GNAL: variants seen among roughly 807,000 people sequenced by gnomAD.
The protein encoded by GNAL is guanine nucleotide-binding protein G(olf) subunit alpha.
In GNAL, 18 loss-of-function variants were observed where a neutral mutation model predicts 55.1. The ratio of observed to expected loss-of-function variants is 0.33; its 90% CI spans 0.23 to 0.48. The LOEUF is 0.48. Among genes scored for constraint, GNAL ranks in the 20% least tolerant of loss-of-function variants. The pLI is 0.99. For synonymous variants in GNAL, 253 were observed against 237.0 expected (o/e 1.07, Z -0.62); for missense variants, 412 against 614.1 (o/e 0.67, Z 3.48).
chr18:11,843,482 A>G (rs1015225141), intron 5 of GNAL, among the ~76,000 whole-genome samples: 6 of 151,952 alleles, frequency 3.9e-5, no homozygotes, highest in Admixed American at 2.0e-4. Flanking sequence ...CTGAGATCGC[A>G]CCACTGCACT....
intron 4 of GNAL, among the ~76,000 whole-genome samples, chr18:11,814,577 C>A (rs1348081494): frequency 6.6e-6 from 1 of 151,806 alleles, no homozygotes; most frequent in Non-Finnish European, 1.5e-5. Flanking sequence ...ACCATATGGT[C>A]TCATCATATA....
intron 1 of GNAL, among the ~76,000 whole-genome samples, chr18:11,701,828 C>A (rs768465042): frequency 6.6e-6 from 1 of 152,128 alleles, no homozygotes. Context: ...GGAGACTGCT[C>A]CTTTTATCTC....
At chr18:11,799,442 T>C (rs2034466550) in intron 4 of GNAL, among the ~76,000 whole-genome samples, 1 of 152,204 alleles carries the variant, frequency 6.6e-6, no homozygotes, top group Non-Finnish European at 1.5e-5. Flanking sequence ...CTTTCTACAA[T>C]AGCACAGGGG....
chr18:11,723,830 T>C (rs1163600564), intron 1 of GNAL, among the ~76,000 whole-genome samples: 3 of 151,916 alleles, frequency 2.0e-5, no homozygotes, highest in African/African-American at 7.3e-5. Context: ...AGTACAGGAG[T>C]GGACCTAATG....
At chr18:11,767,523 C>A (rs1358653301) in intron 4 of GNAL, among the ~76,000 whole-genome samples, 2 of 151,598 alleles carry the variant, frequency 1.3e-5, no homozygotes, top group African/African-American at 4.8e-5. Flanking sequence ...CTTACACTTG[C>A]ATGCTGTACT....
intron 1 of GNAL, among the ~76,000 whole-genome samples, chr18:11,738,816 GA>G (rs1480365192): frequency 1.3e-5 from 2 of 152,128 alleles, no homozygotes; most frequent in Non-Finnish European, 2.9e-5. Flanking sequence ...GGCAGAATTG[GA>G]AAATTGTGTA....
intron 6 of GNAL, 150 bp from the exon 7 acceptor site, chr18:11,864,383 A>G (rs899768404): frequency 4.6e-6 from 3 of 647,100 alleles, no homozygotes; most frequent in African/African-American, 3.6e-5. Flanking sequence ...GTGAGTCACC[A>G]TGCTCGGCCA....
At chr18:11,748,111 A>C (rs2032732020) in intron 1 of GNAL, among the ~76,000 whole-genome samples, 1 of 152,214 alleles carries the variant, frequency 6.6e-6, no homozygotes, top group African/African-American at 2.4e-5. Context: ...AACTAGAAAA[A>C]GGTCAGGTGA....
rs1163906368 is a variant in GNAL at position 11,883,181 on chromosome 18, T to A, written c.*2046T>A. ...GAAGAAAGGATAACTTTATAGACAG[T>A]CAGTGCAACACACACATTTTATCTC... On this transcript the variant is annotated 3_prime_UTR_variant, in exon 12 of 12. Transcript: ENST00000334049. 6.6e-6 allele frequency: 1 copy of A among 151,870 alleles called. No individual in the cohort carries two copies. 9.4% of individuals were successfully genotyped at this position (151,870 alleles called of 1,614,324 possible). A position where few individuals can be genotyped will look rare whatever the true frequency, so the allele number is the denominator to read the frequency against.
At chr18:11,691,671 C>G (rs1432543603) in intron 1 of GNAL, among the ~76,000 whole-genome samples, 1 of 151,998 alleles carries the variant, frequency 6.6e-6, no homozygotes, top group East Asian at 1.9e-4. Flanking sequence ...TTTCAGCTTT[C>G]TACATATGGC....
chr18:11,826,194 G>A (rs1010928896), intron 5 of GNAL, among the ~76,000 whole-genome samples: 5 of 151,978 alleles, frequency 3.3e-5, no homozygotes, highest in East Asian at 3.9e-4. Flanking sequence ...AGCACCCAGC[G>A]AAGCCCAGAG....
intron 1 of GNAL, chr18:11,745,893 G>A (rs150974165): frequency 2.3e-4 from 44 of 193,374 alleles, no homozygotes; most frequent in East Asian, 1.0e-3. Flanking sequence ...TGAGATAATC[G>A]TCATCTTTAC....
At chr18:11,715,161 AAAAGAAAAGAT>A (rs1473970077) in intron 1 of GNAL, among the ~76,000 whole-genome samples, 4 of 150,836 alleles carry the variant, frequency 2.7e-5, no homozygotes, top group African/African-American at 9.8e-5. Flanking sequence ...AAAAAGAAAG[AAAAGAAAAGAT>A]AACAAGGCCG....
At chr18:11,800,809 T>C (rs995338710) in intron 4 of GNAL, among the ~76,000 whole-genome samples, 5 of 152,234 alleles carry the variant, frequency 3.3e-5, no homozygotes, top group African/African-American at 4.8e-5. Flanking sequence ...ATCAATTACA[T>C]GAATTATGTA....
At chr18:11,847,393 A>C (rs966112746) in intron 5 of GNAL, among the ~76,000 whole-genome samples, 8 of 148,410 alleles carry the variant, frequency 5.4e-5, no homozygotes, top group East Asian at 4.0e-4. Flanking sequence ...CACATCTTTT[A>C]TTTTCTTTTT....
rs938312539 is a variant in GNAL at position 11,706,060 on chromosome 18, A to T, written c.376+16121A>T. ...TATGTCTTCTTTAAGAAGACATGTC[A>T]TTAGCCCATTTTTTAATCCGGATAT... is the stretch of plus-strand genomic sequence containing the variant. On this transcript the variant is annotated intron_variant, in intron 1 of 11. Transcript: ENST00000334049. Among the ~76,000 whole-genome samples, 2 of 152,072 alleles carry T rather than the reference A, an allele frequency of 1.3e-5. 1 individual carries two copies. The highest frequency in any genetic ancestry group is 4.1e-4 in the South Asian group (2 of 4,822).
rs530557626 is a variant in GNAL at position 11,803,830 on chromosome 18, G to A, written c.625-21088G>A. On this transcript the variant is annotated intron_variant, in intron 4 of 11. Transcript: ENST00000334049. ...TACAGGTGCAGTTTGGATGGAACAC[G>A]GAGATACTGTGTAGTGGTGAAGTAC... 3.3e-5 allele frequency among the ~76,000 whole-genome samples: 5 copies of A among 151,804 alleles called. No individual in the cohort carries two copies. In the East Asian group the frequency reaches 5.8e-4, roughly 18 times the overall value.
intron 4 of GNAL, among the ~76,000 whole-genome samples, chr18:11,821,927 C>T (rs1422234607): frequency 6.6e-6 from 1 of 152,274 alleles, no homozygotes; most frequent in Non-Finnish European, 1.5e-5. Context: ...TCCAGTGTGG[C>T]CCGGTGGCCA....
At chr18:11,880,650 C>T (rs973358475) in intron 11 of GNAL, among the ~76,000 whole-genome samples, 10 of 152,138 alleles carry the variant, frequency 6.6e-5, no homozygotes, top group African/African-American at 2.2e-4. Context: ...AGCTAGATAG[C>T]GACTATCATA....
Sources: allele counts gnomAD v4.1 joint callset (sites outside exome capture counted in the v4.1 genomes callset), GRCh38; gene constraint gnomAD v4.1.1; transcripts MANE v1.5; gene names NCBI Gene and HGNC (gene_info 2026-07-23, HGNC 2026-07-21).